The following DOCK2 variants were observed in gnomAD, a reference collection of about 807,000 sequenced individuals.
DOCK2 encodes dedicator of cytokinesis protein 2.
In DOCK2, 87 loss-of-function variants were observed where a neutral mutation model predicts 248.9. The observed-to-expected ratio is 0.35, with a 90% CI of 0.29 to 0.42. The LOEUF is 0.42. DOCK2 is among the 10% of genes least tolerant of loss of function. The probability of loss-of-function intolerance (pLI) is 1.00; values close to 1 mark genes in which losing one functional copy is unlikely to be tolerated. For missense variants in DOCK2, 1,747 were observed against 2,300.2 expected (o/e 0.76, Z 4.92); for synonymous variants, 805 against 821.6 (o/e 0.98, Z 0.35).
chr5:169,687,114 G>T (rs572897637), intron 8 of DOCK2, among the ~76,000 whole-genome samples: 25 of 152,126 alleles, frequency 1.6e-4, no homozygotes, highest in African/African-American at 5.5e-4. Flanking sequence ...CTGTTTAGAC[G>T]TAGCAAGCTG....
At chr5:169,804,719 T>C (rs1177330401) in intron 26 of DOCK2, among the ~76,000 whole-genome samples, 1 of 152,186 alleles carries the variant, frequency 6.6e-6, no homozygotes, top group Non-Finnish European at 1.5e-5. Context: ...TTCATTAGCA[T>C]TCAAGGCCAA....
chr5:169,901,943 C>A (rs1302104573), intron 27 of DOCK2, among the ~76,000 whole-genome samples: 1 of 152,118 alleles, frequency 6.6e-6, no homozygotes, highest in Non-Finnish European at 1.5e-5. Context: ...CCTCTCCTAC[C>A]CTCAAGTTTG....
intron 27 of DOCK2, among the ~76,000 whole-genome samples, chr5:169,972,277 G>A (rs1314675363): frequency 6.6e-6 from 1 of 152,066 alleles, no homozygotes; most frequent in Non-Finnish European, 1.5e-5. Flanking sequence ...CCTATAGCAT[G>A]CATTTTGCAC....
chr5:169,750,883 T>C (rs1763859806), intron 23 of DOCK2, among the ~76,000 whole-genome samples: 1 of 152,234 alleles, frequency 6.6e-6, no homozygotes, highest in Admixed American at 6.5e-5. Flanking sequence ...CAAGCCCATG[T>C]GATGTCAGCA....
At chr5:169,828,606 G>A (rs1481949947) in intron 26 of DOCK2, among the ~76,000 whole-genome samples, 1 of 152,186 alleles carries the variant, frequency 6.6e-6, no homozygotes, top group African/African-American at 2.4e-5. Context: ...ACTGTAGGAA[G>A]GAGGATAGAA....
chr5:169,999,569 C>A (rs1474811955), intron 30 of DOCK2, among the ~76,000 whole-genome samples: 1 of 152,142 alleles, frequency 6.6e-6, no homozygotes, highest in African/African-American at 2.4e-5. Flanking sequence ...GTCACACCCA[C>A]AAGATTCTGT....
chr5:170,022,066 G>T (rs1458433148), intron 33 of DOCK2, among the ~76,000 whole-genome samples: 8 of 152,344 alleles, frequency 5.3e-5, no homozygotes, highest in Admixed American at 3.3e-4. Flanking sequence ...CAGGGGCTTT[G>T]CTCCCAGGTC....
At chr5:169,864,220 C>A in intron 27 of DOCK2, 1 of 1,459,866 alleles carries the variant, frequency 6.8e-7, no homozygotes, top group Non-Finnish European at 9.4e-7. Context: ...AGTGGATTTC[C>A]CATCTCAGGG....
chr5:170,017,210 G>A (rs1351764878), intron 32 of DOCK2, among the ~76,000 whole-genome samples: 1 of 152,140 alleles, frequency 6.6e-6, no homozygotes, highest in Non-Finnish European at 1.5e-5. Context: ...AAGCAGCTGT[G>A]CCAGGCCACA....
At chr5:169,931,324 G>A (rs1775740798) in intron 27 of DOCK2, among the ~76,000 whole-genome samples, 1 of 152,202 alleles carries the variant, frequency 6.6e-6, no homozygotes, top group South Asian at 2.1e-4. Context: ...TTCCAACAGT[G>A]GGTCAGTGGG....
At chr5:169,900,482 C>T (rs1773861339) in intron 27 of DOCK2, among the ~76,000 whole-genome samples, 1 of 152,164 alleles carries the variant, frequency 6.6e-6, no homozygotes, top group Non-Finnish European at 1.5e-5. Flanking sequence ...GGAGGCATGG[C>T]ATGAAGGACC....
intron 22 of DOCK2, among the ~76,000 whole-genome samples, chr5:169,739,555 C>A (rs1330790271): frequency 1.3e-5 from 2 of 152,094 alleles, no homozygotes; most frequent in Admixed American, 6.5e-5. Flanking sequence ...GCATGTTATA[C>A]CTAATCCCCT....
At chr5:169,842,490 T>C (rs1223290907) in intron 27 of DOCK2, among the ~76,000 whole-genome samples, 2 of 152,176 alleles carry the variant, frequency 1.3e-5, no homozygotes, top group Non-Finnish European at 2.9e-5. Context: ...CCCAAGTAGC[T>C]GGGACTACCA....
intron 8 of DOCK2, among the ~76,000 whole-genome samples, chr5:169,687,216 G>A (rs1760035851): frequency 6.6e-6 from 1 of 152,084 alleles, no homozygotes; most frequent in Non-Finnish European, 1.5e-5. Flanking sequence ...CAATGAGAAA[G>A]CATTAAAAAT....
chr5:169,783,502 C>A (rs1312136393), intron 25 of DOCK2, among the ~76,000 whole-genome samples: 1 of 152,006 alleles, frequency 6.6e-6, no homozygotes, highest in Non-Finnish European at 1.5e-5. Context: ...TCAACACAGT[C>A]CCTGAATGGC....
intron 1 of DOCK2, among the ~76,000 whole-genome samples, chr5:169,648,928 C>T (rs1190836834): frequency 1.3e-5 from 2 of 152,180 alleles, no homozygotes; most frequent in South Asian, 2.1e-4. Context: ...AGCGCCCGCC[C>T]GGGTTTGAGC....
rs544550483 is a variant in DOCK2, at chr5:170,061,473, T to C, written c.4467+3807T>C. On this transcript the variant is annotated intron_variant, in intron 44 of 51. Transcript: ENST00000520908. ...GCATGGGCTGGCACATAGGAGGCAATTGATAAGTGAGGTCATCTTCATTAT... is the reference window on the plus strand; with the variant it reads ...GCATGGGCTGGCACATAGGAGGCAACTGATAAGTGAGGTCATCTTCATTAT... 4.6e-5 allele frequency among the ~76,000 whole-genome samples: 7 copies of C among 152,342 alleles called. No homozygotes were observed. In the South Asian group the frequency reaches 1.2e-3, roughly 27 times the overall value.
intron 27 of DOCK2, among the ~76,000 whole-genome samples, chr5:169,880,490 G>T (rs1172785674): frequency 2.6e-5 from 4 of 152,160 alleles, no homozygotes; most frequent in Non-Finnish European, 2.9e-5. Flanking sequence ...TGTTCACTTT[G>T]GTCAACAAAA....
At chr5:170,045,968 C>T (rs1222656921) in intron 39 of DOCK2, 63 bp downstream of exon 39, 2 of 1,519,118 alleles carry the variant, frequency 1.3e-6, no homozygotes, top group East Asian at 4.5e-5. Flanking sequence ...CTCAGCTCAC[C>T]CCAGATCCTG....
Sources: allele counts gnomAD v4.1 joint callset (sites outside exome capture counted in the v4.1 genomes callset), GRCh38; gene constraint gnomAD v4.1.1; transcripts MANE v1.5; gene names NCBI Gene and HGNC (gene_info 2026-07-23, HGNC 2026-07-21).